The following PPP4R2 variants were observed in gnomAD, a reference collection of about 807,000 sequenced individuals.
PPP4R2 encodes serine/threonine-protein phosphatase 4 regulatory subunit 2.
Under a neutral mutation model 47.2 loss-of-function variants are expected in PPP4R2, and 13 were observed. The ratio of observed to expected loss-of-function variants is 0.28; its 90% CI spans 0.18 to 0.44. PPP4R2 has a LOEUF of 0.44. Among genes scored for constraint, PPP4R2 ranks in the 20% least tolerant of loss-of-function variants. PPP4R2 has a pLI of 1.00. For synonymous variants in PPP4R2, 151 were observed against 163.3 expected, an observed-to-expected ratio of 0.92 and a Z score of 0.57; for missense variants, 421 against 491.2, an observed-to-expected ratio of 0.86 and a Z score of 1.35.
intron 4 of PPP4R2, among the ~76,000 whole-genome samples, chr3:73,059,347 T>C (rs902883946): frequency 2.0e-5 from 3 of 152,226 alleles, no homozygotes; most frequent in African/African-American, 7.2e-5. Context: ...TCATTGAAGT[T>C]TGGTGAAAGC....
At chr3:73,017,481 G>A (rs1027148985) in intron 2 of PPP4R2, among the ~76,000 whole-genome samples, 5 of 152,178 alleles carry the variant, frequency 3.3e-5, no homozygotes, top group Non-Finnish European at 5.9e-5. Flanking sequence ...AAAGGAGCTA[G>A]CTGCCCTAGC....
At chr3:73,064,795 G>A (rs937972501) in intron 7 of PPP4R2, 57 bp from the exon 8 acceptor site, 5 of 1,383,496 alleles carry the variant, frequency 3.6e-6, no homozygotes, top group Admixed American at 4.5e-5. Context: ...TAAAAATGGG[G>A]ATGTAGAAGA....
rs143757507 is a variant in PPP4R2, at chr3:73,064,262, C to T, written c.638+116C>T. The stretch of plus-strand genomic sequence containing the variant: ...TGAGGGACAGAACAAGGTTTTCATG[C>T]GGTTTATAGGAGCACTGGCTTCTCT... On this transcript the variant is annotated intron_variant, in intron 7 of 8. Transcript: ENST00000356692. 1.2e-4 allele frequency: 110 copies of T among 889,860 alleles called. 1 individual carries two copies. The South Asian group carries it at 1.8e-3, about 15-fold the overall frequency. 55.1% of individuals were successfully genotyped at this position (889,860 alleles called of 1,614,324 possible). A position where few individuals can be genotyped will look rare whatever the true frequency, so the allele number is the denominator to read the frequency against.
At chr3:73,032,103 T>C (rs1384509701) in intron 2 of PPP4R2, among the ~76,000 whole-genome samples, 3 of 152,220 alleles carry the variant, frequency 2.0e-5, no homozygotes, top group Admixed American at 2.0e-4. Context: ...TGATTTTTTT[T>C]ATTATTTAGT....
At position 73,067,189 on chromosome 3, in the gene PPP4R2, T is replaced by G. The variant is rs975426842; in HGVS notation, c.*1467T>G. On this transcript the variant is annotated 3_prime_UTR_variant, in exon 9 of 9. Transcript: ENST00000356692. Reference sequence around the variant, plus strand: ...TATAAAGCAATAAATATTAATGTTATGAAATATTTGACTACATTTTTATCA... The same window carrying G: ...TATAAAGCAATAAATATTAATGTTAGGAAATATTTGACTACATTTTTATCA... 6.6e-6 allele frequency: 1 copy of G among 152,164 alleles called. No homozygotes were observed. Among genetic ancestry groups the G allele is most frequent in the East Asian group, 1.9e-4 (1 of 5,204 alleles). 9.4% of individuals were successfully genotyped at this position (152,164 alleles called of 1,614,324 possible).
chr3:73,065,765 G>C lies in PPP4R2; in HGVS notation c.*43G>C. 7 of 1,359,292 alleles carry C rather than the reference G, an allele frequency of 5.1e-6. No individual in the cohort carries two copies. The South Asian group carries it at 7.0e-5, about 14-fold the overall frequency. The allele number at this position is 1,359,292 out of a possible 1,614,324, so 84.2% of individuals were successfully genotyped here. On this transcript the variant is annotated 3_prime_UTR_variant, in exon 9 of 9. Transcript: ENST00000356692. ...GATGCAGTATTTTACATACAGTTCT[G>C]GTTTTAACACTGTATAAAACTTTTG... is the stretch of plus-strand genomic sequence containing the variant.
rs773197037 is a variant in PPP4R2 at position 73,064,957 on chromosome 3, C to G, written c.744C>G (p.Leu248=). The part of the protein sequence containing the change: ...VEAEGHEVKR[L]RFDKEGEVRE... The stretch of plus-strand genomic sequence containing the variant: ...CTGAGGGGCATGAGGTAAAAAGACT[C>G]AGGTTTGACAAAGAAGGTGAAGTCA... Residue 248 remains leucine, a synonymous_variant, in exon 8 of 9, where the codon CTC becomes CTG. Transcript: ENST00000356692. 2.5e-6 allele frequency: 4 copies of G among 1,613,722 alleles called. No individual in the cohort carries two copies. In the African/African-American group the frequency reaches 5.3e-5, roughly 22 times the overall value.
intron 3 of PPP4R2, among the ~76,000 whole-genome samples, chr3:73,051,787 G>A (rs533219934): frequency 5.3e-5 from 8 of 151,988 alleles, no homozygotes; most frequent in East Asian, 1.9e-4. Flanking sequence ...CACCACGCCC[G>A]GCTAATTTTT....
At position 72,996,866 on chromosome 3, in the gene PPP4R2, G is replaced by GTCTTGC. The variant is rs1040755208; in HGVS notation, c.-168_-163dup. On this transcript the variant is annotated 5_prime_UTR_variant, in exon 1 of 9. Coordinates refer to ENST00000356692, the MANE Select transcript of PPP4R2 (RefSeq NM_174907.4). The stretch of plus-strand genomic sequence containing the variant: ...GCTTGGGGAGGTGCTCGCTCTGTCG[G>GTCTTGC]TCTTGCTCTCTCGCACGCTTCCCCC... 1.5e-4 allele frequency: 61 copies of GTCTTGC among 418,892 alleles called. 2 individuals carry two copies. Among genetic ancestry groups the GTCTTGC allele is most frequent in the African/African-American group, 8.4e-4 (41 of 48,774 alleles). The allele number at this position is 418,892 out of a possible 1,614,324, so 25.9% of individuals were successfully genotyped here.
intron 2 of PPP4R2, among the ~76,000 whole-genome samples, chr3:73,038,941 T>C (rs781387359): frequency 3.3e-5 from 5 of 152,150 alleles, no homozygotes; most frequent in Admixed American, 6.6e-5. Context: ...ATTTGAAAAA[T>C]TTGTCACTTT....
Position 73,066,652 on chromosome 3 carries a change from T to C in PPP4R2, c.*930T>C, listed in dbSNP as rs1201814852. The C allele has an allele frequency of 6.6e-6, 1 of 152,110 alleles. No individual in the cohort carries two copies. Among genetic ancestry groups the C allele is most frequent in the Non-Finnish European group, 1.5e-5 (1 of 67,952 alleles). The allele number at this position is 152,110 out of a possible 1,614,324, so 9.4% of individuals were successfully genotyped here. On this transcript the variant is annotated 3_prime_UTR_variant, in exon 9 of 9. Transcript: ENST00000356692. ...GAACCAAGTAGGTTCCTTGACCTTT[T>C]GCTTGCTTTTCTGAACATTGTGAAT...
intron 1 of PPP4R2, 64 bp from the exon 2 acceptor site, chr3:72,998,013 G>A: frequency 8.9e-7 from 1 of 1,122,134 alleles, no homozygotes; most frequent in Non-Finnish European, 1.3e-6. Flanking sequence ...GGACTAGGAG[G>A]AAAGTTTGTT....
intron 3 of PPP4R2, among the ~76,000 whole-genome samples, chr3:73,049,417 T>C (rs1303481320): frequency 2.6e-5 from 4 of 151,742 alleles, no homozygotes; most frequent in Non-Finnish European, 5.9e-5. Context: ...GAAAATGGGG[T>C]GAACCCAGGA....
At position 72,996,955 on chromosome 3, in the gene PPP4R2, G is replaced by A. The variant is rs918816518; in HGVS notation, c.-83G>A. 13 of 1,095,380 alleles carry A rather than the reference G, an allele frequency of 1.2e-5. No individual in the cohort carries two copies. Among genetic ancestry groups the A allele is most frequent in the Non-Finnish European group, 1.6e-5 (13 of 830,116 alleles). The allele number at this position is 1,095,380 out of a possible 1,614,324, so 67.9% of individuals were successfully genotyped here. On this transcript the variant is annotated 5_prime_UTR_variant, in exon 1 of 9. Transcript: ENST00000356692. ...GGAGTGTGTGCGAGGGAGGGGGAGG[G>A]CGTCGGGGGGGTGGGGGGAGGCGTT...
intron 5 of PPP4R2, chr3:73,062,365 C>A (rs1417802298): frequency 6.2e-7 from 1 of 1,606,488 alleles, no homozygotes. Context: ...GAACCCCAAC[C>A]CAGCATTGGG....
At position 72,996,904 on chromosome 3, in the gene PPP4R2, TTC is replaced by T; in HGVS notation, c.-133_-132del. 1 of 544,400 alleles carries T rather than the reference TTC, an allele frequency of 1.8e-6. No individual in the cohort carries two copies. The highest frequency in any genetic ancestry group is 2.9e-6 in the Non-Finnish European group (1 of 343,400). The allele number at this position is 544,400 out of a possible 1,614,324, so 33.7% of individuals were successfully genotyped here. A position where few individuals can be genotyped will look rare whatever the true frequency, so the allele number is the denominator to read the frequency against. On this transcript the variant is annotated 5_prime_UTR_variant, in exon 1 of 9. Coordinates refer to ENST00000356692, the MANE Select transcript of PPP4R2 (RefSeq NM_174907.4). ...GCACGCTTCCCCCGGCTCCCTTCGT[TTC>T]CCCCCCCCGGTCGCCTGCGTGCCGG...
intron 1 of PPP4R2, 90 bp from the exon 2 acceptor site, chr3:72,997,987 T>C (rs1235243899): frequency 1.1e-6 from 1 of 870,956 alleles, no homozygotes; most frequent in East Asian, 2.5e-5. Context: ...ATTTAATTGA[T>C]TTTTAATAAG....
At chr3:73,045,065 C>G (rs966488440) in intron 2 of PPP4R2, among the ~76,000 whole-genome samples, 1 of 152,166 alleles carries the variant, frequency 6.6e-6, no homozygotes, top group African/African-American at 2.4e-5. Context: ...GTGATCTTGG[C>G]TTACTGCAGC....
chr3:73,061,126 ATAT>A lies in PPP4R2; in HGVS notation c.419+71_419+73del, dbSNP rs1251448822. On this transcript the variant is annotated intron_variant, in intron 5 of 8. Transcript: ENST00000356692. ...ATTTAATCATTTTATTGCTTCTAAT[ATAT>A]TATTCTTAAAATAGACTGAATTTAT... 4.8e-5 allele frequency: 34 copies of A among 709,448 alleles called. 1 individual carries two copies. Among genetic ancestry groups the A allele is most frequent in the Middle Eastern group, 4.1e-4 (1 of 2,462 alleles). 43.9% of individuals were successfully genotyped at this position (709,448 alleles called of 1,614,324 possible).
Sources: gnomAD v4.1 joint callset for allele counts (sites outside exome capture counted in the v4.1 genomes callset) on GRCh38, gnomAD v4.1.1 for gene constraint, MANE v1.5 for transcripts, NCBI Gene and HGNC (gene_info 2026-07-23, HGNC 2026-07-21) for gene names.